MGRN1: variants seen among roughly 807,000 people sequenced by gnomAD.
MGRN1 encodes mahogunin ring finger 1.
Under a neutral mutation model 69.2 loss-of-function variants are expected in MGRN1, and 29 were observed. That is an observed-to-expected ratio of 0.42 (90% CI 0.31 to 0.57). MGRN1 has a LOEUF of 0.57. Ranked by LOEUF, MGRN1 falls within the 20% of genes least tolerant of loss-of-function variation. The pLI is 0.15. For missense variants in MGRN1, 998 were observed against 796.2 expected (o/e 1.25, Z -3.05); for synonymous variants, 470 against 344.2 (o/e 1.37, Z -4.04).
In MGRN1 at chr16:4,671,755, C is replaced by T. The variant is rs538320060; in HGVS notation, c.795+296C>T. Among the ~76,000 whole-genome samples the T allele has an allele frequency of 1.3e-4, 20 of 152,198 alleles. No homozygotes were observed. The East Asian group carries it at 2.5e-3, about 19-fold the overall frequency. On this transcript the variant is annotated intron_variant, in intron 9 of 16. Coordinates refer to ENST00000262370, the MANE Select transcript of MGRN1 (RefSeq NM_015246.4). ...CTCAGGTGTGTGGCACCCTGCTGCC[C>T]GGCTCCTGCCCGCCTCCCCAGAGAC...
chr16:4,666,822 C>G (rs116402662), intron 7 of MGRN1, among the ~76,000 whole-genome samples: 2 of 152,232 alleles, frequency 1.3e-5, no homozygotes, highest in Non-Finnish European at 2.9e-5. Flanking sequence ...ACGAGGGCAG[C>G]ACTGTCCTCT....
intron 1 of MGRN1, among the ~76,000 whole-genome samples, chr16:4,625,635 GT>G (rs1897638937): frequency 6.6e-6 from 1 of 152,224 alleles, no homozygotes; most frequent in Admixed American, 6.5e-5. Flanking sequence ...GGGCCTCTGT[GT>G]TATGGCTGAG....
At position 4,687,016 on chromosome 16, in the gene MGRN1, C is replaced by T. The variant is rs145267853; in HGVS notation, c.1619-1780C>T. On this transcript the variant is annotated intron_variant, in intron 16 of 16. Transcript: ENST00000262370. Reference sequence around the variant, plus strand: ...CCGCTCACACAGCCACCTGCTCCCCCGCTCCCTCCTTCCCTTGTCAGCATG... The same window carrying T: ...CCGCTCACACAGCCACCTGCTCCCCTGCTCCCTCCTTCCCTTGTCAGCATG... The T allele has an allele frequency of 2.1e-4, 207 of 985,650 alleles. No homozygotes were observed. In the African/African-American group the frequency reaches 3.3e-3, roughly 16 times the overall value. 61.1% of individuals were successfully genotyped at this position (985,650 alleles called of 1,614,324 possible).
At chr16:4,686,626 G>A (rs2079325804) in intron 16 of MGRN1, 4 of 1,173,096 alleles carry the variant, frequency 3.4e-6, no homozygotes, top group Non-Finnish European at 4.2e-6. Flanking sequence ...CAGCCCAGGT[G>A]CGCCAGAGCC....
chr16:4,646,797 C>A (rs1015991172), intron 1 of MGRN1, among the ~76,000 whole-genome samples: 6 of 152,192 alleles, frequency 3.9e-5, no homozygotes, highest in Non-Finnish European at 8.8e-5. Context: ...ACAGCGGGGG[C>A]TTCTTGGACA....
intron 9 of MGRN1, 26 bp downstream of exon 9, chr16:4,671,485 C>T: frequency 2.5e-6 from 4 of 1,610,180 alleles, no homozygotes; most frequent in African/African-American, 1.3e-5. Context: ...AGGTTTCCCT[C>T]TGCCATTACA....
intron 7 of MGRN1, among the ~76,000 whole-genome samples, chr16:4,666,028 C>T (rs888375775): frequency 1.3e-5 from 2 of 152,068 alleles, no homozygotes; most frequent in African/African-American, 2.4e-5. Flanking sequence ...GACAGGGTTT[C>T]ACTGTGCTAG....
Position 4,681,621 on chromosome 16 carries a change from C to G in MGRN1, c.1203C>G (p.Val401=). ...LLEALNGLRA[V]SPAIPSAPLY... is the part of the protein sequence containing the mutation. ...AGGCGCTCAACGGCCTCCGGGCTGT[C>G]TCCCCGGCCATCCCCTCGGCCCCTC... The change falls in exon 13 of 17, where the codon GTC becomes GTG. Residue 401 remains valine (V), a synonymous_variant. Transcript: ENST00000262370. 6.2e-7 allele frequency: 1 copy of G among 1,613,514 alleles called. No individual in the cohort carries two copies.
At chr16:4,625,158 C>A in intron 1 of MGRN1, 110 bp downstream of exon 1, 1 of 1,061,376 alleles carries the variant, frequency 9.4e-7, no homozygotes, top group Non-Finnish European at 1.3e-6. Context: ...CCCCTCCGGG[C>A]CTCGTTGCTA....
chr16:4,686,313 C>T (rs1429416489), intron 16 of MGRN1: 4 of 1,544,538 alleles, frequency 2.6e-6, no homozygotes, highest in Admixed American at 2.0e-5. Context: ...GGTACGTGAC[C>T]TCCCAGACGC....
intron 1 of MGRN1, among the ~76,000 whole-genome samples, 192 bp downstream of exon 1, chr16:4,625,240 A>G (rs1481701324): frequency 5.9e-5 from 9 of 152,072 alleles, no homozygotes; most frequent in African/African-American, 2.2e-4. Flanking sequence ...AACCTGCCCG[A>G]GCCGTACCTG....
chr16:4,658,577 T>G (rs372717454), intron 5 of MGRN1, among the ~76,000 whole-genome samples: 2 of 151,710 alleles, frequency 1.3e-5, no homozygotes, highest in South Asian at 2.1e-4. Context: ...GTCCCAGGTC[T>G]GAGGCCAGGA....
At chr16:4,679,928 C>G in intron 11 of MGRN1, 104 bp from the exon 12 acceptor site, 5 of 1,095,870 alleles carry the variant, frequency 4.6e-6, no homozygotes, top group Non-Finnish European at 6.7e-6. Flanking sequence ...TTGTGAAGTT[C>G]TGCGCCACGG....
chr16:4,668,951 CAT>C (rs1567217696), intron 8 of MGRN1, among the ~76,000 whole-genome samples: 2 of 152,224 alleles, frequency 1.3e-5, no homozygotes, highest in African/African-American at 2.4e-5. Context: ...CACACATATA[CAT>C]AGACACACTC....
At chr16:4,648,840 G>A (rs2078338132) in intron 1 of MGRN1, among the ~76,000 whole-genome samples, 2 of 120,954 alleles carry the variant, frequency 1.7e-5, no homozygotes, top group African/African-American at 3.8e-5. Context: ...TCCTCCTCCC[G>A]GGGCTCTTCC....
At chr16:4,634,517 C>T (rs756250962) in intron 1 of MGRN1, 3 of 152,484 alleles carry the variant, frequency 2.0e-5, no homozygotes, top group Non-Finnish European at 4.4e-5. Context: ...GGCGTGGTGT[C>T]GTCTGCACCA....
intron 5 of MGRN1, 76 bp from the exon 6 acceptor site, chr16:4,664,633 C>A (rs1405512656): frequency 4.1e-6 from 6 of 1,470,244 alleles, no homozygotes; most frequent in Non-Finnish European, 5.7e-6. Flanking sequence ...CTTTGTCCAG[C>A]TCATTTGTTG....
intron 1 of MGRN1, among the ~76,000 whole-genome samples, chr16:4,643,403 A>ATTTTTTT (rs34438924): frequency 9.1e-6 from 1 of 109,838 alleles, no homozygotes; most frequent in Non-Finnish European, 1.8e-5. Flanking sequence ...GCCTTGCTTG[A>ATTTTTTT]TTTTTTTTTT....
intron 1 of MGRN1, among the ~76,000 whole-genome samples, chr16:4,647,567 T>A (rs2078300583): frequency 6.6e-6 from 1 of 152,214 alleles, no homozygotes; most frequent in Non-Finnish European, 1.5e-5. Context: ...TCCAGAACAT[T>A]CTCTGTGTAT....
Sources: allele counts gnomAD v4.1 joint callset (sites outside exome capture counted in the v4.1 genomes callset), GRCh38; gene constraint gnomAD v4.1.1; transcripts MANE v1.5; gene names NCBI Gene and HGNC (gene_info 2026-07-23, HGNC 2026-07-21).